The following PXDN variants were observed in gnomAD, a reference collection of about 807,000 sequenced individuals.
The protein encoded by PXDN is peroxidasin homolog.
In PXDN, 77 loss-of-function variants were observed where a neutral mutation model predicts 140.3. That is an observed-to-expected ratio of 0.55 (90% CI 0.46 to 0.66). The LOEUF (loss-of-function observed/expected upper bound fraction) is 0.66, where lower values mean the gene tolerates loss of function less well. PXDN is among the 30% of genes least tolerant of loss of function. PXDN has a pLI of 0.00. For missense variants in PXDN, 1,838 were observed against 2,039.5 expected (o/e 0.90, Z 1.90); for synonymous variants, 911 against 857.4 (o/e 1.06, Z -1.09).
intron 1 of PXDN, among the ~76,000 whole-genome samples, chr2:1,727,821 T>C (rs1378162154): frequency 1.3e-5 from 2 of 152,214 alleles, no homozygotes; most frequent in Admixed American, 6.5e-5. Flanking sequence ...ATAACAACTT[T>C]AGAGTTGATC....
At chr2:1,676,500 G>A (rs540195630) in intron 8 of PXDN, 26 of 189,304 alleles carry the variant, frequency 1.4e-4, no homozygotes, top group South Asian at 3.6e-4. Flanking sequence ...TGAGGACGCC[G>A]TCCCAGCAGA....
chr2:1,659,181 A>T (rs981614580), intron 14 of PXDN, among the ~76,000 whole-genome samples: 2 of 152,218 alleles, frequency 1.3e-5, no homozygotes, highest in African/African-American at 2.4e-5. Context: ...CTATGGATGG[A>T]CATCTCCAGC....
intron 1 of PXDN, among the ~76,000 whole-genome samples, chr2:1,716,456 A>C (rs1684897519): frequency 7.3e-6 from 1 of 136,812 alleles, no homozygotes; most frequent in African/African-American, 3.5e-5. Context: ...AAAAAAAAAA[A>C]AAAAAAAAAA....
chr2:1,743,524 C>T (rs1685596996), intron 1 of PXDN, among the ~76,000 whole-genome samples: 1 of 149,216 alleles, frequency 6.7e-6, no homozygotes, highest in Non-Finnish European at 1.5e-5. Context: ...AGCGGGGGCG[C>T]CGCGGCTGCG....
In PXDN at chr2:1,632,446, G is replaced by A. The variant is rs1279222415; in HGVS notation, c.*1758C>T. On this transcript the variant is annotated 3_prime_UTR_variant, in exon 23 of 23. Transcript: ENST00000252804. This position sits in a 1 kb window ranked among gnomAD's most constrained non-coding sequence, Gnocchi z 4.3. The stretch of plus-strand genomic sequence containing the variant: ...ACAATTTGGTCACTACATTTGACTT[G>A]CTATTTCAAAAGAAGTCCACATGTC... 6.6e-6 allele frequency: 1 copy of A among 152,172 alleles called. No individual in the cohort carries two copies. Among genetic ancestry groups the A allele is most frequent in the Non-Finnish European group, 1.5e-5 (1 of 68,044 alleles). 9.4% of individuals were successfully genotyped at this position (152,172 alleles called of 1,614,324 possible). A position where few individuals can be genotyped will look rare whatever the true frequency, so the allele number is the denominator to read the frequency against.
intron 19 of PXDN, among the ~76,000 whole-genome samples, chr2:1,642,628 G>T (rs1030565033): frequency 4.6e-5 from 7 of 152,216 alleles, no homozygotes; most frequent in Non-Finnish European, 8.8e-5. Context: ...GGTATTTTAT[G>T]GGGATCTGAT....
rs764604054 is a variant in PXDN, at chr2:1,639,325, T to A, written c.4050A>T (p.Lys1350Asn). The A allele has an allele frequency of 6.2e-7, 1 of 1,613,896 alleles. No individual in the cohort carries two copies. Among genetic ancestry groups the A allele is most frequent in the South Asian group, 1.1e-5 (1 of 91,058 alleles). The part of the protein sequence containing the change: ...FSYQEDKPTK[K>N]TRPRKIPSVG... Reference sequence around the variant, plus strand: ...ACCTGGGTATTTTCCGTGGTCTTGTTTTCTTGGTCGGCTTGTCCTCCTGGT... The same window carrying A: ...ACCTGGGTATTTTCCGTGGTCTTGTATTCTTGGTCGGCTTGTCCTCCTGGT... The change falls in exon 20 of 23, where the codon AAA becomes AAT. Residue 1350 changes from lysine (K) to asparagine (N), a missense_variant. Lys to Asn is a moderately conservative substitution (Grantham distance 94). Around this residue, in one of 5 missense-constraint regions of PXDN, gnomAD observed 850 missense variants for 894.1 expected, o/e 0.95. Coordinates refer to ENST00000252804, the MANE Select transcript of PXDN (RefSeq NM_012293.3). The surrounding 1 kb of genome is among the most constrained non-coding windows in gnomAD (Gnocchi z 5.0).
chr2:1,711,156 G>T (rs377430874), intron 1 of PXDN, among the ~76,000 whole-genome samples: 1 of 43,824 alleles, frequency 2.3e-5, no homozygotes, highest in Non-Finnish European at 4.2e-5. Flanking sequence ...ACCAGCACCC[G>T]CTCCACCAGC....
chr2:1,725,809 C>CA (rs1277969710), intron 1 of PXDN, among the ~76,000 whole-genome samples: 5 of 152,118 alleles, frequency 3.3e-5, no homozygotes, highest in African/African-American at 9.6e-5. Flanking sequence ...TTTATGTAGC[C>CA]AAAAAACACA....
chr2:1,656,935 AACCTGTCCCCTCCTGCCTCAG>A (rs376166043), intron 14 of PXDN, among the ~76,000 whole-genome samples: 5 of 137,926 alleles, frequency 3.6e-5, no homozygotes, highest in Admixed American at 2.8e-4. Flanking sequence ...TCCTGACAGA[AACCTGTCCCCTCCTGCCTCAG>A]ACCTGTCCCC....
At chr2:1,680,171 G>A in intron 7 of PXDN, 22 bp downstream of exon 7, 2 of 1,536,388 alleles carry the variant, frequency 1.3e-6, no homozygotes, top group East Asian at 4.9e-5. Context: ...TGTGGATGGT[G>A]TGTGCGTGTC....
At chr2:1,656,719 AACCTGTCCCCTCCTGACAGGG>A (rs1683144587) in intron 14 of PXDN, among the ~76,000 whole-genome samples, 1 of 134,546 alleles carries the variant, frequency 7.4e-6, no homozygotes, top group Non-Finnish European at 1.6e-5. Context: ...ACCTGACTGA[AACCTGTCCCCTCCTGACAGGG>A]ACCTGCCCCC....
chr2:1,648,881 G>T lies in PXDN; in HGVS notation c.2899C>A (p.Pro967Thr). The T allele has an allele frequency of 6.2e-7, 1 of 1,602,474 alleles. No individual in the cohort carries two copies. The highest frequency in any genetic ancestry group is 8.5e-7 in the Non-Finnish European group (1 of 1,177,422). Residue 967 changes from proline to threonine, a missense_variant, in exon 17 of 23, where the codon CCC becomes ACC. Around this residue, in one of 5 missense-constraint regions of PXDN, gnomAD observed 850 missense variants for 894.1 expected, o/e 0.95. Coordinates refer to ENST00000252804, the MANE Select transcript of PXDN (RefSeq NM_012293.3). This position sits in a 1 kb window ranked among gnomAD's most constrained non-coding sequence, Gnocchi z 8.9. ...TECMRDENES[P>T]IPCFLAGDHR... Reference sequence around the variant, plus strand: ...TCCCCGGCCAGGAAGCAGGGGATGGGGCTCTCGTTCTCGTCCCGCATGCAC... The same window carrying T: ...TCCCCGGCCAGGAAGCAGGGGATGGTGCTCTCGTTCTCGTCCCGCATGCAC...
intron 7 of PXDN, among the ~76,000 whole-genome samples, 199 bp from the exon 8 acceptor site, chr2:1,677,243 A>C (rs1683740943): frequency 6.6e-6 from 1 of 152,146 alleles, no homozygotes; most frequent in African/African-American, 2.4e-5. Flanking sequence ...CATGATGTCT[A>C]TGCCTCAGGG....
intron 6 of PXDN, among the ~76,000 whole-genome samples, chr2:1,683,242 C>CA (rs560106996): frequency 0.1 from 14,377 of 140,330 alleles, 787 homozygotes; most frequent in African/African-American, 0.15. Context: ...AAAGAAAAAC[C>CA]AAAAAAAAAA....
Position 1,635,498 on chromosome 2 carries a change from G to C in PXDN, c.4230C>G (p.Leu1410=). 4 of 1,594,328 alleles carry C rather than the reference G, an allele frequency of 2.5e-6. No homozygotes were observed. Among genetic ancestry groups the C allele is most frequent in the Non-Finnish European group, 3.4e-6 (4 of 1,169,236 alleles). ...RTQIKKLESR[L]STTECVDAGG... is the part of the protein sequence containing the mutation. ...CGGCATCCACGCACTCTGTGGTACT[G>C]AGCCGTGATTCAAGTTTCTTTATCT... Residue 1410 remains leucine, a synonymous_variant, in exon 22 of 23, where the codon CTC becomes CTG. Transcript: ENST00000252804.
chr2:1,726,917 T>C (rs1685199359), intron 1 of PXDN, among the ~76,000 whole-genome samples: 1 of 152,184 alleles, frequency 6.6e-6, no homozygotes, highest in South Asian at 2.1e-4. Context: ...AATCGAGAAT[T>C]GCTTTTTAAA....
At chr2:1,707,253 G>C (rs1684638483) in intron 1 of PXDN, among the ~76,000 whole-genome samples, 1 of 125,274 alleles carries the variant, frequency 8.0e-6, no homozygotes, top group South Asian at 3.3e-4. Context: ...TCACCAATCA[G>C]CTCTAAGCAT....
intron 1 of PXDN, among the ~76,000 whole-genome samples, chr2:1,738,815 G>A (rs2125496306): frequency 6.6e-6 from 1 of 152,288 alleles, no homozygotes; most frequent in Non-Finnish European, 1.5e-5. Flanking sequence ...CCAAAGTGCT[G>A]GGATTACAGC....
Sources: gnomAD v4.1 joint callset for allele counts (sites outside exome capture counted in the v4.1 genomes callset) on GRCh38, gnomAD v4.1.1 for gene constraint, gnomAD v4.1.1 regional missense constraint, Gnocchi (gnomAD v3.1) non-coding constraint, MANE v1.5 for transcripts, NCBI Gene and HGNC (gene_info 2026-07-23, HGNC 2026-07-21) for gene names.